Variants in FBXW7 observed in about 807,000 individuals in gnomAD.
FBXW7 encodes F-box/WD repeat-containing protein 7.
Under a neutral mutation model 86.3 loss-of-function variants are expected in FBXW7, and 11 were observed. The observed-to-expected ratio is 0.13, with a 90% CI of 0.08 to 0.21. FBXW7 has a LOEUF of 0.21. Among genes scored for constraint, FBXW7 ranks in the 10% least tolerant of loss-of-function variants. The pLI is 1.00. For synonymous variants in FBXW7, 313 were observed against 297.9 expected, an observed-to-expected ratio of 1.05 and a Z score of -0.52; for missense variants, 488 against 847.4, an observed-to-expected ratio of 0.58 and a Z score of 5.27.
At chr4:152,377,731 G>A (rs1734682020) in intron 4 of FBXW7, among the ~76,000 whole-genome samples, 1 of 149,956 alleles carries the variant, frequency 6.7e-6, no homozygotes, top group South Asian at 2.1e-4. Context: ...CACCAGCCTA[G>A]GTGACAGAGG....
intron 4 of FBXW7, among the ~76,000 whole-genome samples, chr4:152,404,133 T>C (rs1360586671): frequency 6.6e-6 from 1 of 152,188 alleles, no homozygotes. Context: ...GGGTTGGGAA[T>C]AGGGGAAGGT....
intron 2 of FBXW7, among the ~76,000 whole-genome samples, chr4:152,467,976 CT>C (rs942405208): frequency 0.012 from 1,757 of 141,510 alleles, 21 homozygotes; most frequent in African/African-American, 0.037. Context: ...AAAAGATAAT[CT>C]TTTTTTTTTT....
chr4:152,432,760 C>T (rs1387998087), intron 2 of FBXW7, among the ~76,000 whole-genome samples: 7 of 152,114 alleles, frequency 4.6e-5, no homozygotes, highest in African/African-American at 7.2e-5. Context: ...TGCAGTGAGA[C>T]GAGATCGCGA....
intron 2 of FBXW7, among the ~76,000 whole-genome samples, chr4:152,486,436 CTTTA>C (rs1198854107): frequency 1.3e-5 from 2 of 152,052 alleles, no homozygotes; most frequent in East Asian, 3.8e-4. Flanking sequence ...TTCCTTTTAT[CTTTA>C]TTTTACAAGC....
At chr4:152,525,915 CCCA>C (rs1749467850) in intron 2 of FBXW7, among the ~76,000 whole-genome samples, 1 of 152,194 alleles carries the variant, frequency 6.6e-6, no homozygotes, top group Admixed American at 6.5e-5. Flanking sequence ...AATTTACACT[CCCA>C]CCAACAGTAT....
intron 4 of FBXW7, among the ~76,000 whole-genome samples, chr4:152,360,440 T>C (rs1158073793): frequency 6.6e-6 from 1 of 152,262 alleles, no homozygotes; most frequent in East Asian, 1.9e-4. Context: ...TCCGAAAAGT[T>C]ACTCGGGGCA....
chr4:152,471,404 G>A (rs905565381), intron 2 of FBXW7, among the ~76,000 whole-genome samples: 2 of 140,704 alleles, frequency 1.4e-5, no homozygotes, highest in Non-Finnish European at 1.5e-5. Flanking sequence ...AGGGAAGGAG[G>A]GAAGGAAGGA....
At chr4:152,534,658 TC>T (rs1418276300) in intron 2 of FBXW7, among the ~76,000 whole-genome samples, 1 of 152,168 alleles carries the variant, frequency 6.6e-6, no homozygotes, top group African/African-American at 2.4e-5. Flanking sequence ...TGCTCTGGCT[TC>T]CTCAATTTCC....
intron 2 of FBXW7, among the ~76,000 whole-genome samples, chr4:152,534,543 C>T (rs1750314555): frequency 6.6e-6 from 1 of 152,146 alleles, no homozygotes; most frequent in African/African-American, 2.4e-5. Flanking sequence ...AAGTAGTTCT[C>T]ATTCGGGAAC....
chr4:152,428,865 G>T (rs565005734), intron 2 of FBXW7, among the ~76,000 whole-genome samples: 1 of 152,178 alleles, frequency 6.6e-6, no homozygotes, highest in Non-Finnish European at 1.5e-5. Flanking sequence ...ATAATCAAAT[G>T]TAAGTATAGA....
chr4:152,411,137 TTG>T (rs1737911760), intron 4 of FBXW7, 164 bp downstream of exon 4: 5 of 1,101,030 alleles, frequency 4.5e-6, no homozygotes, highest in Non-Finnish European at 6.1e-6. Flanking sequence ...GTATTTCTAC[TTG>T]TAATACTTTC....
rs546821410 is a variant in FBXW7, at chr4:152,492,643, T to C, written c.-120+42298A>G. ...CTAATGTTTTTATCTTTTGTATGTA[T>C]TGAAAACTGGGTAATGTTGTAAATG... On this transcript the variant is annotated intron_variant, in intron 2 of 13. Transcript: ENST00000281708. 8.3e-4 allele frequency among the ~76,000 whole-genome samples: 126 copies of C among 152,308 alleles called. 1 individual carries two copies. The highest frequency in any genetic ancestry group is 8.8e-4 in the Non-Finnish European group (60 of 68,020).
At chr4:152,416,496 G>A (rs768344546) in intron 2 of FBXW7, among the ~76,000 whole-genome samples, 22 of 151,996 alleles carry the variant, frequency 1.4e-4, no homozygotes, top group African/African-American at 4.1e-4. Flanking sequence ...TTAATACTTC[G>A]AAAACAATTA....
chr4:152,379,756 C>T (rs1734884958), intron 4 of FBXW7, among the ~76,000 whole-genome samples: 1 of 152,020 alleles, frequency 6.6e-6, no homozygotes, highest in Non-Finnish European at 1.5e-5. Flanking sequence ...AGTATTAAAT[C>T]CAATGCTTAT....
intron 4 of FBXW7, among the ~76,000 whole-genome samples, chr4:152,360,265 AG>A (rs969359437): frequency 5.3e-5 from 8 of 152,120 alleles, no homozygotes; most frequent in Admixed American, 2.0e-4. Context: ...TTTTTATTTT[AG>A]TTACAAACAC....
chr4:152,483,221 A>AT (rs912314940), intron 2 of FBXW7, among the ~76,000 whole-genome samples: 41 of 152,058 alleles, frequency 2.7e-4, no homozygotes, highest in African/African-American at 7.2e-4. Flanking sequence ...TTCATAACCC[A>AT]TTTTTTCAAT....
chr4:152,357,444 C>T (rs1287904634), intron 4 of FBXW7, among the ~76,000 whole-genome samples: 2 of 151,846 alleles, frequency 1.3e-5, no homozygotes, highest in Non-Finnish European at 2.9e-5. Context: ...ACTCAGCCTC[C>T]CAAGTAGCTG....
intron 4 of FBXW7, among the ~76,000 whole-genome samples, chr4:152,386,477 GAATCAAA>G (rs1735538803): frequency 6.6e-6 from 1 of 151,892 alleles, no homozygotes; most frequent in African/African-American, 2.4e-5. Context: ...ACTATTAATG[GAATCAAA>G]AATCACATAG....
At chr4:152,362,096 G>T (rs1733017032) in intron 4 of FBXW7, among the ~76,000 whole-genome samples, 1 of 151,958 alleles carries the variant, frequency 6.6e-6, no homozygotes, top group Admixed American at 6.6e-5. Context: ...CCCACCAGTT[G>T]CATGAAGGCA....
Sources: gnomAD v4.1 joint callset for allele counts (sites outside exome capture counted in the v4.1 genomes callset) on GRCh38, gnomAD v4.1.1 for gene constraint, MANE v1.5 for transcripts, NCBI Gene and HGNC (gene_info 2026-07-23, HGNC 2026-07-21) for gene names.